Variants in SNAP25 observed in about 807,000 individuals in gnomAD.
The protein encoded by SNAP25 is synaptosome associated protein 25.
Under a neutral mutation model 28.7 loss-of-function variants are expected in SNAP25, and 3 were observed. The observed-to-expected ratio is 0.10, with a 90% confidence interval of 0.05 to 0.27. SNAP25 has a LOEUF of 0.27. Ranked by LOEUF, SNAP25 falls within the 10% of genes least tolerant of loss-of-function variation. SNAP25 has a pLI of 1.00. For missense variants in SNAP25, 117 were observed against 278.7 expected (o/e 0.42, Z 4.13); for synonymous variants, 61 against 88.1 (o/e 0.69, Z 1.72).
chr20:10,250,965 T>C (rs1269832859), intron 1 of SNAP25, among the ~76,000 whole-genome samples: 1 of 152,200 alleles, frequency 6.6e-6, no homozygotes, highest in African/African-American at 2.4e-5. Flanking sequence ...CATCTAGGTT[T>C]GCCTAAGTAC....
intron 1 of SNAP25, among the ~76,000 whole-genome samples, chr20:10,238,310 C>T (rs363035): frequency 0.17 from 25,861 of 152,134 alleles, 4,267 homozygotes; most frequent in African/African-American, 0.44. Flanking sequence ...AATTGAACTG[C>T]TTGATTTGTA....
intron 5 of SNAP25, among the ~76,000 whole-genome samples, chr20:10,294,349 C>CA (rs2064060550): frequency 6.6e-6 from 1 of 151,794 alleles, no homozygotes; most frequent in African/African-American, 2.4e-5. Flanking sequence ...GCTCATATTG[C>CA]AAAAAAATTA....
intron 3 of SNAP25, among the ~76,000 whole-genome samples, chr20:10,281,963 G>A (rs1329990668): frequency 6.6e-6 from 1 of 152,122 alleles, no homozygotes; most frequent in Non-Finnish European, 1.5e-5. Context: ...TGACCTTAGA[G>A]CACTAGCATT....
chr20:10,242,512 A>G (rs1442070723), intron 1 of SNAP25, among the ~76,000 whole-genome samples: 3 of 152,186 alleles, frequency 2.0e-5, no homozygotes, highest in Non-Finnish European at 4.4e-5. Context: ...TGCACTTGCT[A>G]GTGGAAAGTA....
chr20:10,303,407 C>A (rs2064286530), intron 7 of SNAP25, among the ~76,000 whole-genome samples: 1 of 152,132 alleles, frequency 6.6e-6, no homozygotes, highest in South Asian at 2.1e-4. Context: ...GCCAGGTATT[C>A]AAAGTTATGA....
At chr20:10,242,059 A>G (rs906088312) in intron 1 of SNAP25, among the ~76,000 whole-genome samples, 5 of 152,182 alleles carry the variant, frequency 3.3e-5, no homozygotes, top group African/African-American at 1.2e-4. Flanking sequence ...GGTGCGCACC[A>G]TGGGAGCTGC....
chr20:10,261,400 G>A (rs941182193), intron 1 of SNAP25, among the ~76,000 whole-genome samples: 1 of 152,216 alleles, frequency 6.6e-6, no homozygotes, highest in South Asian at 2.1e-4. Flanking sequence ...GCCTCTCTTT[G>A]CCAAGCTTCC....
At chr20:10,275,068 TTTAAATAAATAA>T (rs1568608584) in intron 1 of SNAP25, among the ~76,000 whole-genome samples, 1 of 63,482 alleles carries the variant, frequency 1.6e-5, no homozygotes, top group African/African-American at 5.7e-5. Flanking sequence ...AATAGAGCTA[TTTAAATAAATAA>T]ATAAATAAAT....
intron 1 of SNAP25, among the ~76,000 whole-genome samples, chr20:10,264,690 G>C (rs935109658): frequency 6.6e-6 from 1 of 152,082 alleles, no homozygotes; most frequent in Non-Finnish European, 1.5e-5. Flanking sequence ...TACCCTTATG[G>C]GAAACCAGAG....
intron 1 of SNAP25, among the ~76,000 whole-genome samples, chr20:10,249,737 A>G (rs2094852834): frequency 6.6e-6 from 1 of 152,182 alleles, no homozygotes; most frequent in Non-Finnish European, 1.5e-5. Flanking sequence ...CTAGATTTGG[A>G]GCCCAGGAAT....
At chr20:10,240,069 G>T (rs1240805152) in intron 1 of SNAP25, among the ~76,000 whole-genome samples, 1 of 152,172 alleles carries the variant, frequency 6.6e-6, no homozygotes, top group South Asian at 2.1e-4. Flanking sequence ...CTGTGCAGGG[G>T]TCAGCTAGGG....
At chr20:10,226,130 C>T (rs1006873033) in intron 1 of SNAP25, among the ~76,000 whole-genome samples, 4 of 152,058 alleles carry the variant, frequency 2.6e-5, no homozygotes, top group African/African-American at 9.7e-5. Flanking sequence ...CTTAAATTTC[C>T]CTGCAGTTAT....
At chr20:10,282,261 T>G (rs373160847) in intron 3 of SNAP25, among the ~76,000 whole-genome samples, 14 of 152,102 alleles carry the variant, frequency 9.2e-5, no homozygotes, top group African/African-American at 3.4e-4. Flanking sequence ...AAGGAGCCTG[T>G]GAGTGATTAA....
chr20:10,230,570 A>G (rs1190040399), intron 1 of SNAP25, among the ~76,000 whole-genome samples: 1 of 152,136 alleles, frequency 6.6e-6, no homozygotes, highest in Non-Finnish European at 1.5e-5. Context: ...ACTGAATCTG[A>G]AACTCTAGGG....
intron 1 of SNAP25, among the ~76,000 whole-genome samples, chr20:10,244,732 T>TC (rs2063096916): frequency 6.9e-6 from 1 of 145,648 alleles, no homozygotes; most frequent in Non-Finnish European, 1.5e-5. Flanking sequence ...TTTCTTTCTC[T>TC]CTTTTTTTTT....
rs112266195 is a variant in SNAP25, at chr20:10,287,157, T to C, written c.163+2385T>C. Among the ~76,000 whole-genome samples, 1,048 of 152,072 alleles carry C rather than the reference T, an allele frequency of 6.9e-3. 5 individuals carry two copies. Among genetic ancestry groups the C allele is most frequent in the Admixed American group, 0.013 (192 of 15,276 alleles). On this transcript the variant is annotated intron_variant, in intron 4 of 7. Transcript: ENST00000254976. ...GGCAACAAAAGCCAAAATTGACAAA[T>C]GGGATCTCATTAAACTAAAGAGCTT... is the stretch of plus-strand genomic sequence containing the variant.
chr20:10,245,358 G>A (rs544136824), intron 1 of SNAP25, among the ~76,000 whole-genome samples: 24 of 152,162 alleles, frequency 1.6e-4, no homozygotes, highest in Admixed American at 5.2e-4. Flanking sequence ...ACTGATCGCC[G>A]GTATAAAAGA....
rs1265123162 is a variant in SNAP25, at chr20:10,306,978, T to A, written c.*781T>A. The A allele has an allele frequency of 6.5e-6, 1 of 152,694 alleles. No individual in the cohort carries two copies. Among genetic ancestry groups the A allele is most frequent in the Non-Finnish European group, 1.5e-5 (1 of 68,110 alleles). The allele number at this position is 152,694 out of a possible 1,614,324, so 9.5% of individuals were successfully genotyped here. A position where few individuals can be genotyped will look rare whatever the true frequency, so the allele number is the denominator to read the frequency against. On this transcript the variant is annotated 3_prime_UTR_variant, in exon 8 of 8. Coordinates refer to ENST00000254976, the MANE Select transcript of SNAP25 (RefSeq NM_130811.4). The stretch of plus-strand genomic sequence containing the variant: ...CATCCTTTTTTAAAAAAAAGAATTT[T>A]AAAAAAGATGGATTTGACACACTCA...
intron 1 of SNAP25, among the ~76,000 whole-genome samples, chr20:10,260,445 A>AAAAC (rs1319160413): frequency 2.0e-5 from 3 of 151,860 alleles, no homozygotes; most frequent in African/African-American, 7.2e-5. Context: ...AGATCAGATT[A>AAAAC]AAACAAACAA....
Sources: allele counts gnomAD v4.1 joint callset (sites outside exome capture counted in the v4.1 genomes callset), GRCh38; gene constraint gnomAD v4.1.1; transcripts MANE v1.5; gene names NCBI Gene and HGNC (gene_info 2026-07-23, HGNC 2026-07-21).